Variants in ZNF8 observed in about 807,000 individuals in gnomAD.
ZNF8 encodes zinc finger protein 272.
A neutral mutation model predicts 12.2 loss-of-function variants in ZNF8; 9 were observed. That is an observed-to-expected ratio of 0.73 (90% CI 0.44 to 1.28). ZNF8 has a LOEUF of 1.28. Among genes scored for constraint, ZNF8 ranks in the 50% most tolerant of loss-of-function variants. ZNF8 has a pLI of 0.00. For synonymous variants in ZNF8, 274 were observed against 282.3 expected, an observed-to-expected ratio of 0.97 and a Z score of 0.30; for missense variants, 664 against 729.1, an observed-to-expected ratio of 0.91 and a Z score of 1.03.
chr19:58,291,930 G>A (rs553508518), intron 3 of ZNF8, among the ~76,000 whole-genome samples: 7 of 152,058 alleles, frequency 4.6e-5, no homozygotes, highest in Non-Finnish European at 1.0e-4. Context: ...GAGCAGAGTG[G>A]GCGTGGGGCA....
Position 58,295,074 on chromosome 19 carries a change from G to A in ZNF8, c.1266G>A (p.Glu422=). The part of the protein sequence containing the change: ...LAQHQRKHAG[E]KPFECRQRLI... ...AGCACCAGCGGAAGCACGCGGGGGAGAAGCCCTTTGAGTGCCGCCAGAGGC... is the reference window on the plus strand; with the variant it reads ...AGCACCAGCGGAAGCACGCGGGGGAAAAGCCCTTTGAGTGCCGCCAGAGGC... Residue 422 remains glutamate (E), a synonymous_variant, in exon 4 of 4, where the codon GAG becomes GAA. Transcript: ENST00000621650. 6.2e-7 allele frequency: 1 copy of A among 1,614,080 alleles called. No individual in the cohort carries two copies. Among genetic ancestry groups the A allele is most frequent in the Non-Finnish European group, 8.5e-7 (1 of 1,180,006 alleles).
intron 3 of ZNF8, among the ~76,000 whole-genome samples, chr19:58,290,327 G>A (rs1417433734): frequency 6.7e-6 from 1 of 149,680 alleles, no homozygotes. Context: ...TGTTGGCCAG[G>A]ATGGTCTCTA....
intron 1 of ZNF8, among the ~76,000 whole-genome samples, chr19:58,281,665 G>A (rs1462572959): frequency 3.3e-5 from 5 of 152,166 alleles, no homozygotes; most frequent in Admixed American, 1.3e-4. Flanking sequence ...GGAGGAAAGC[G>A]AAGACACAGA....
chr19:58,292,937 A>G (rs1473513110), intron 3 of ZNF8, among the ~76,000 whole-genome samples: 2 of 149,882 alleles, frequency 1.3e-5, no homozygotes, highest in African/African-American at 2.5e-5. Context: ...TCTGGGTGCT[A>G]TGTAGAGAGT....
chr19:58,293,323 T>C (rs926489374), intron 3 of ZNF8, among the ~76,000 whole-genome samples: 4 of 152,194 alleles, frequency 2.6e-5, no homozygotes, highest in Non-Finnish European at 4.4e-5. Flanking sequence ...TCTCTCCCGT[T>C]GTCAAGCTCT....
Position 58,294,338 on chromosome 19 carries a change from G to T in ZNF8, c.530G>T (p.Arg177Ile). 1 of 1,614,136 alleles carries T rather than the reference G, an allele frequency of 6.2e-7. No homozygotes were observed. The highest frequency in any genetic ancestry group is 1.1e-5 in the South Asian group (1 of 91,064). ...CAAGATCAAGGCTACAAAACTCTCA[G>T]ACTCAGGGAAAACTGCGTCCTGAGT... The part of the protein sequence containing the change: ...PVQDQGYKTL[R>I]LRENCVLSSS... The change falls in exon 4 of 4, where the codon AGA becomes ATA. Residue 177 changes from arginine (R) to isoleucine (I), a missense_variant. Coordinates refer to ENST00000621650, the MANE Select transcript of ZNF8 (RefSeq NM_021089.3). The surrounding 1 kb of genome is among the most constrained non-coding windows in gnomAD (Gnocchi z 5.5).
At chr19:58,289,773 GCCCCAGGATAATC>G (rs1440980257) in intron 3 of ZNF8, among the ~76,000 whole-genome samples, 1 of 151,078 alleles carries the variant, frequency 6.6e-6, no homozygotes, top group Non-Finnish European at 1.5e-5. Context: ...CAGATTTAGG[GCCCCAGGATAATC>G]TCCCATTTCA....
In ZNF8 at chr19:58,279,133, G is replaced by A; in HGVS notation, c.52G>A (p.Ala18Thr). The A allele has an allele frequency of 6.4e-7, 1 of 1,564,264 alleles. No homozygotes were observed. The highest frequency in any genetic ancestry group is 1.2e-5 in the South Asian group (1 of 85,194). The change falls in exon 1 of 4, where the codon GCG (alanine) becomes ACG (threonine). Residue 18 changes from alanine to threonine, a missense_variant. Ala to Thr is a moderately conservative substitution (Grantham distance 58). Transcript: ENST00000621650. ...VAGVMSVGPP[A>T]ARLQEPVTFR... ...GGGAGTGATGTCTGTGGGGCCGCCG[G>A]CGGCCCGGCTTCAGGTAACAATAAC...
At chr19:58,290,894 T>TG (rs1477915698) in intron 3 of ZNF8, among the ~76,000 whole-genome samples, 1 of 152,034 alleles carries the variant, frequency 6.6e-6, no homozygotes, top group East Asian at 1.9e-4. Context: ...CTACAAAAAA[T>TG]GCAAAAAAAT....
In ZNF8 at chr19:58,283,481, C is replaced by A. The variant is rs1302403174; in HGVS notation, c.67-2236C>A. On this transcript the variant is annotated intron_variant, in intron 1 of 3. Coordinates refer to ENST00000621650, the MANE Select transcript of ZNF8 (RefSeq NM_021089.3). Reference sequence around the variant, plus strand: ...AGAGAGAGACCTGAGCTGGCACACTCTTGCCCTCTCGCCATGTGATGCCCT... The same window carrying A: ...AGAGAGAGACCTGAGCTGGCACACTATTGCCCTCTCGCCATGTGATGCCCT... Among the ~76,000 whole-genome samples, 3 of 152,182 alleles carry A rather than the reference C, an allele frequency of 2.0e-5. No homozygotes were observed. In the East Asian group the frequency reaches 5.8e-4, roughly 29 times the overall value.
chr19:58,294,476 C>A lies in ZNF8; in HGVS notation c.668C>A (p.Ser223Tyr). 4.3e-6 allele frequency: 7 copies of A among 1,614,142 alleles called. No individual in the cohort carries two copies. The highest frequency in any genetic ancestry group is 5.9e-6 in the Non-Finnish European group (7 of 1,180,028). Residue 223 changes from serine (S) to tyrosine (Y), a missense_variant, in exon 4 of 4, where the codon TCC (serine) becomes TAC (tyrosine). By Grantham distance (144) the Ser-to-Tyr change is moderately radical. This residue lies in a region of ZNF8 where 306 missense variants were observed against 308.7 expected (regional missense o/e 0.99). Coordinates refer to ENST00000621650, the MANE Select transcript of ZNF8 (RefSeq NM_021089.3). The surrounding 1 kb of genome is among the most constrained non-coding windows in gnomAD (Gnocchi z 5.5). Reference protein sequence around the residue: ...NSSLVSQQTGSPGKQPGENSD... With the variant: ...NSSLVSQQTGYPGKQPGENSD... ...AGCTTAGTCAGTCAGCAGACAGGCTCCCCAGGAAAACAGCCCGGTGAAAAC... is the reference window on the plus strand; with the variant it reads ...AGCTTAGTCAGTCAGCAGACAGGCTACCCAGGAAAACAGCCCGGTGAAAAC...
In ZNF8 at chr19:58,302,038, T is replaced by A. The variant is rs1201157796; in HGVS notation, c.*6502T>A. 2 of 152,314 alleles carry A rather than the reference T, an allele frequency of 1.3e-5. No homozygotes were observed. The highest frequency in any genetic ancestry group is 4.1e-4 in the South Asian group (2 of 4,824). The allele number at this position is 152,314 out of a possible 1,614,324, so 9.4% of individuals were successfully genotyped here. On this transcript the variant is annotated 3_prime_UTR_variant, in exon 4 of 4. Coordinates refer to ENST00000621650, the MANE Select transcript of ZNF8 (RefSeq NM_021089.3). ...AAAAATTCATTAAAAATGAAGACTC[T>A]ATATACAGCTTGAATATTCCTTATC...
At chr19:58,285,901 G>A in intron 2 of ZNF8, 58 bp downstream of exon 2, 1 of 1,556,012 alleles carries the variant, frequency 6.4e-7, no homozygotes, top group Non-Finnish European at 8.7e-7. Flanking sequence ...AAGTCATGGG[G>A]CCTCTGGTGT....
At chr19:58,282,176 G>T (rs569847585) in intron 1 of ZNF8, among the ~76,000 whole-genome samples, 2 of 149,478 alleles carry the variant, frequency 1.3e-5, no homozygotes, top group Non-Finnish European at 1.5e-5. Flanking sequence ...TTTTAACCTA[G>T]CAGCAACACT....
chr19:58,295,329 C>G lies in ZNF8; in HGVS notation c.1521C>G (p.Ser507Arg), dbSNP rs780741148. The G allele has an allele frequency of 2.5e-6, 4 of 1,614,202 alleles. No individual in the cohort carries two copies. Among genetic ancestry groups the G allele is most frequent in the South Asian group, 2.2e-5 (2 of 91,086 alleles). The change falls in exon 4 of 4, where the codon AGC (serine) becomes AGG (arginine). Residue 507 changes from serine (S) to arginine (R), a missense_variant. Transcript: ENST00000621650. Reference sequence around the variant, plus strand: ...GCCGGCGGCGTGAACAATCCTCGAGCAGGAACTCACACCTGGTTCAGCATC... The same window carrying G: ...GCCGGCGGCGTGAACAATCCTCGAGGAGGAACTCACACCTGGTTCAGCATC... ...GRSRRREQSSSRNSHLVQHQH... is the reference protein window; with the variant it reads ...GRSRRREQSSRRNSHLVQHQH...
chr19:58,295,465 G>T lies in ZNF8; in HGVS notation c.1657G>T (p.Val553Leu). The stretch of plus-strand genomic sequence containing the variant: ...AAAAATCATGCAAGAGAAAAACCCT[G>T]TGCACGTTATTGGGGTGGAAGAGCC... ...IQKIMQEKNP[V>L]HVIGVEEPSV... is the part of the protein sequence containing the mutation. The change falls in exon 4 of 4, where the codon GTG becomes TTG. Residue 553 changes from valine (V) to leucine (L), a missense_variant. Physicochemically the swap from Val to Leu is conservative, Grantham distance 32. Transcript: ENST00000621650. The T allele has an allele frequency of 1.2e-6, 2 of 1,613,540 alleles. No individual in the cohort carries two copies. Among genetic ancestry groups the T allele is most frequent in the Non-Finnish European group, 1.7e-6 (2 of 1,179,990 alleles).
chr19:58,294,891 GA>G lies in ZNF8; in HGVS notation c.1084del (p.Thr362HisfsTer27). 6.2e-7 allele frequency: 1 copy of G among 1,614,130 alleles called. No individual in the cohort carries two copies. The highest frequency in any genetic ancestry group is 8.5e-7 in the Non-Finnish European group (1 of 1,180,018). ...ACTCCTCCCTGGGGCGGCACAAGAGGACACACACTGGGGAGAAGCCATACAC... is the reference window on the plus strand; with the variant it reads ...ACTCCTCCCTGGGGCGGCACAAGAGGCACACACTGGGGAGAAGCCATACAC... ...QNSSLGRHKR[T>X]HTGEKPYTCS... On this transcript the variant is annotated frameshift_variant, in exon 4 of 4. Transcript: ENST00000621650. LOFTEE classifies it low-confidence loss of function (END_TRUNC). This position sits in a 1 kb window ranked among gnomAD's most constrained non-coding sequence, Gnocchi z 5.5.
At position 58,279,005 on chromosome 19, in the gene ZNF8, C is replaced by G; in HGVS notation, c.-77C>G. 1.5e-6 allele frequency: 2 copies of G among 1,344,704 alleles called. No individual in the cohort carries two copies. 83.3% of individuals were successfully genotyped at this position (1,344,704 alleles called of 1,614,324 possible). On this transcript the variant is annotated 5_prime_UTR_variant, in exon 1 of 4. Coordinates refer to ENST00000621650, the MANE Select transcript of ZNF8 (RefSeq NM_021089.3). ...CGCCATTGTCCGGCGTTCGGCGAGT[C>G]GGGTGGTCCCTTTGGCTGGAGTGCC... is the stretch of plus-strand genomic sequence containing the variant.
At chr19:58,293,399 C>T (rs746516708) in intron 3 of ZNF8, among the ~76,000 whole-genome samples, 6 of 152,228 alleles carry the variant, frequency 3.9e-5, no homozygotes, top group Admixed American at 1.3e-4. Flanking sequence ...GCTTCTACTA[C>T]TTGTCATTTC....
Sources: allele counts gnomAD v4.1 joint callset (sites outside exome capture counted in the v4.1 genomes callset), GRCh38; gene constraint gnomAD v4.1.1; regional missense constraint gnomAD v4.1.1; non-coding constraint Gnocchi (gnomAD v3.1); transcripts MANE v1.5; gene names NCBI Gene and HGNC (gene_info 2026-07-23, HGNC 2026-07-21).